The following FREM1 variants were observed in gnomAD, a reference collection of about 807,000 sequenced individuals.
FREM1 encodes FRAS1 related extracellular matrix 1.
A neutral mutation model predicts 210.1 loss-of-function variants in FREM1; 220 were observed. That is an observed-to-expected ratio of 1.05 (90% CI 0.94 to 1.17). The LOEUF is 1.17. Among genes scored for constraint, FREM1 ranks in the 50% most tolerant of loss-of-function variants. The pLI is 0.00. For synonymous variants in FREM1, 1,189 were observed against 980.2 expected (o/e 1.21, Z -3.98); for missense variants, 3,454 against 2,675.5 (o/e 1.29, Z -6.42).
At chr9:14,899,207 C>T (rs552337208) in intron 1 of FREM1, among the ~76,000 whole-genome samples, 5 of 152,202 alleles carry the variant, frequency 3.3e-5, no homozygotes, top group African/African-American at 4.8e-5. Flanking sequence ...TCAAGGGCCA[C>T]CCTGGTGGCT....
intron 16 of FREM1, among the ~76,000 whole-genome samples, chr9:14,812,006 A>G (rs78072032): frequency 0.048 from 7,303 of 152,150 alleles, 216 homozygotes; most frequent in African/African-American, 0.086. Flanking sequence ...AGTTTCCCCA[A>G]CCCAGACCTC....
At chr9:14,762,900 C>G (rs3747533) in intron 27 of FREM1, among the ~76,000 whole-genome samples, 14,423 of 151,942 alleles carry the variant, frequency 0.095, 734 homozygotes, top group East Asian at 0.15. Flanking sequence ...CTGCAAGAAG[C>G]CACACAGCTA....
chr9:14,761,232 G>A (rs781188226), intron 27 of FREM1, among the ~76,000 whole-genome samples: 7 of 152,168 alleles, frequency 4.6e-5, no homozygotes, highest in African/African-American at 7.2e-5. Context: ...TCATAATCAC[G>A]TTCTATGGAT....
rs1318026477 is a variant in FREM1 at position 14,848,324 on chromosome 9, C to T, written c.1261+341G>A. On this transcript the variant is annotated intron_variant, in intron 7 of 36. Coordinates refer to ENST00000380880, the MANE Select transcript of FREM1 (RefSeq NM_001379081.2). Reference sequence around the variant, plus strand: ...ATAAAAGCTAAACCTTTCTCCAATCCCTTGGAACAATTTGAGTTGGAGATT... The same window carrying T: ...ATAAAAGCTAAACCTTTCTCCAATCTCTTGGAACAATTTGAGTTGGAGATT... Among the ~76,000 whole-genome samples the T allele has an allele frequency of 2.0e-5, 3 of 152,246 alleles. No individual in the cohort carries two copies. The East Asian group carries it at 5.8e-4, about 29-fold the overall frequency.
chr9:14,859,157 C>T, intron 4 of FREM1, 26 bp downstream of exon 4: 1 of 1,517,478 alleles, frequency 6.6e-7, no homozygotes, highest in Non-Finnish European at 8.8e-7. Context: ...TGGTAATACC[C>T]AGAAAGGCAT....
intron 22 of FREM1, among the ~76,000 whole-genome samples, chr9:14,792,208 A>G (rs1401531194): frequency 6.6e-6 from 1 of 151,802 alleles, no homozygotes; most frequent in Non-Finnish European, 1.5e-5. Flanking sequence ...AAAAATAATG[A>G]AAGTTTTCAT....
chr9:14,860,904 C>CATATATACGTATATATACAT (rs1419382535), intron 3 of FREM1, among the ~76,000 whole-genome samples: 1 of 74,200 alleles, frequency 1.3e-5, no homozygotes, highest in African/African-American at 9.9e-5. Flanking sequence ...CATATATACA[C>CATATATACGTATATATACAT]ATATACACAT....
At chr9:14,778,931 C>T (rs1280527635) in intron 24 of FREM1, among the ~76,000 whole-genome samples, 1 of 152,098 alleles carries the variant, frequency 6.6e-6, no homozygotes, top group East Asian at 1.9e-4. Flanking sequence ...AAAAATATGT[C>T]TGTTCTTCAA....
At chr9:14,851,659 T>A in intron 5 of FREM1, 52 bp from the exon 6 acceptor site, 3 of 1,180,188 alleles carry the variant, frequency 2.5e-6, no homozygotes, top group Non-Finnish European at 3.8e-6. Context: ...AATGAGGTGA[T>A]ATCATACAGG....
At chr9:14,754,967 C>T (rs1236586139) in intron 29 of FREM1, among the ~76,000 whole-genome samples, 3 of 152,116 alleles carry the variant, frequency 2.0e-5, no homozygotes, top group Admixed American at 2.0e-4. Flanking sequence ...CTTTATAACA[C>T]AGACATGCAC....
chr9:14,898,657 G>A (rs939649472), intron 1 of FREM1, among the ~76,000 whole-genome samples: 8 of 152,266 alleles, frequency 5.3e-5, no homozygotes, highest in Admixed American at 1.3e-4. Flanking sequence ...CAGGAGAATC[G>A]CTTGAACCCA....
chr9:14,851,712 G>T, intron 5 of FREM1, 105 bp from the exon 6 acceptor site: 1 of 922,322 alleles, frequency 1.1e-6, no homozygotes, highest in Non-Finnish European at 1.8e-6. Context: ...CTAGCGTCTA[G>T]CAGTGACCTG....
chr9:14,786,867 A>C (rs1351235406), intron 23 of FREM1, among the ~76,000 whole-genome samples: 2 of 152,224 alleles, frequency 1.3e-5, no homozygotes, highest in African/African-American at 4.8e-5. Context: ...GGAAGTAAGA[A>C]GAATGAATTA....
At chr9:14,841,287 G>C (rs1392609870) in intron 10 of FREM1, among the ~76,000 whole-genome samples, 160 bp downstream of exon 10, 1 of 152,220 alleles carries the variant, frequency 6.6e-6, no homozygotes, top group African/African-American at 2.4e-5. Context: ...GGAAACATTT[G>C]AGTAGTCCTA....
At chr9:14,837,797 A>T (rs1824910473) in intron 10 of FREM1, among the ~76,000 whole-genome samples, 1 of 152,186 alleles carries the variant, frequency 6.6e-6, no homozygotes. Flanking sequence ...TGATAACCGG[A>T]TTTAATTTTT....
chr9:14,846,810 C>G (rs1826706842), intron 7 of FREM1, among the ~76,000 whole-genome samples: 2 of 152,378 alleles, frequency 1.3e-5, no homozygotes, highest in East Asian at 3.9e-4. Flanking sequence ...TCTCTCACAT[C>G]TGCCAGCTTC....
At position 14,819,373 on chromosome 9, in the gene FREM1, A is replaced by C. The variant is rs771561867; in HGVS notation, c.2407T>G (p.Ser803Ala). ...TTGTCCAGCTTGGTATCTGCATCAG[A>C]AATTAGAATGTGCTCTGTGCTGATG... ...SIISTEHILI[S>A]DADTKLDNID... The change falls in exon 14 of 37, where the codon TCT becomes GCT. Residue 803 changes from serine (S) to alanine (A), a missense_variant. Transcript: ENST00000380880. 2.5e-6 allele frequency: 4 copies of C among 1,613,694 alleles called. No homozygotes were observed. The highest frequency in any genetic ancestry group is 3.4e-6 in the Non-Finnish European group (4 of 1,179,668).
intron 22 of FREM1, among the ~76,000 whole-genome samples, chr9:14,792,079 G>A (rs1216321198): frequency 1.3e-5 from 2 of 152,096 alleles, no homozygotes; most frequent in African/African-American, 4.8e-5. Context: ...TCCTGACCTT[G>A]TGATCCGCCC....
At chr9:14,813,100 G>A (rs767844415) in intron 15 of FREM1, 36 bp from the exon 16 acceptor site, 1 of 1,574,678 alleles carries the variant, frequency 6.4e-7, no homozygotes, top group Non-Finnish European at 8.6e-7. Context: ...TTCAGAAAAA[G>A]AAAGAAATGA....
Sources: gnomAD v4.1 joint callset for allele counts (sites outside exome capture counted in the v4.1 genomes callset) on GRCh38, gnomAD v4.1.1 for gene constraint, MANE v1.5 for transcripts, NCBI Gene and HGNC (gene_info 2026-07-23, HGNC 2026-07-21) for gene names.